The following ARHGEF3 variants were observed in gnomAD, a reference collection of about 807,000 sequenced individuals.
The protein encoded by ARHGEF3 is Rho guanine nucleotide exchange factor 3, also known as 59.8 kDA protein.
A neutral mutation model predicts 63.2 loss-of-function variants in ARHGEF3; 28 were observed. The observed-to-expected ratio is 0.44, with a 90% CI of 0.33 to 0.61. The LOEUF is 0.61. Ranked by LOEUF, ARHGEF3 falls within the 20% of genes least tolerant of loss-of-function variation. ARHGEF3 has a pLI of 0.03. For missense variants in ARHGEF3, 533 were observed against 659.3 expected (o/e 0.81, Z 2.10); for synonymous variants, 266 against 254.2 (o/e 1.05, Z -0.44).
chr3:56,799,261 G>T (rs2037519769), intron 1 of ARHGEF3, among the ~76,000 whole-genome samples: 1 of 152,168 alleles, frequency 6.6e-6, no homozygotes. Flanking sequence ...TACACTTGCT[G>T]CAAGGATAGG....
intron 2 of ARHGEF3, among the ~76,000 whole-genome samples, chr3:56,991,612 G>A (rs760005931): frequency 1.0e-4 from 15 of 145,390 alleles, no homozygotes; most frequent in Non-Finnish European, 1.6e-4. Context: ...ACATTAATCA[G>A]TTTTGTTTTG....
chr3:57,076,249 G>A (rs76383610), intron 1 of ARHGEF3, among the ~76,000 whole-genome samples: 2,417 of 152,154 alleles, frequency 0.016, 27 homozygotes, highest in Admixed American at 0.03. Context: ...GCCTTGAAGG[G>A]TTACTAAACT....
intron 2 of ARHGEF3, among the ~76,000 whole-genome samples, chr3:56,987,194 G>A (rs956958835): frequency 5.3e-5 from 8 of 152,188 alleles, no homozygotes; most frequent in African/African-American, 1.9e-4. Context: ...CCTGGGTGAT[G>A]GAGTGAGACC....
intron 9 of ARHGEF3, among the ~76,000 whole-genome samples, chr3:56,730,703 A>T (rs958841531): frequency 1.9e-4 from 29 of 152,216 alleles, no homozygotes; most frequent in African/African-American, 7.0e-4. Context: ...TAACAACAAT[A>T]TAATGGACAT....
At chr3:57,072,410 A>T (rs1705958624) in intron 1 of ARHGEF3, among the ~76,000 whole-genome samples, 1 of 151,612 alleles carries the variant, frequency 6.6e-6, no homozygotes, top group South Asian at 2.1e-4. Flanking sequence ...GGAAAACATT[A>T]GTTGTTAGCA....
At chr3:56,887,904 A>G (rs1190140514) in intron 3 of ARHGEF3, among the ~76,000 whole-genome samples, 1 of 152,220 alleles carries the variant, frequency 6.6e-6, no homozygotes, top group Non-Finnish European at 1.5e-5. Flanking sequence ...GACTAAAAGA[A>G]AGAATGAATA....
chr3:56,795,010 TACC>T, intron 1 of ARHGEF3, among the ~76,000 whole-genome samples: 1 of 148,338 alleles, frequency 6.7e-6, no homozygotes, highest in Admixed American at 6.9e-5. Context: ...AGGTGTGTGT[TACC>T]ACGCTTGGTG....
At chr3:56,819,956 T>A (rs2038416810) in intron 4 of ARHGEF3, among the ~76,000 whole-genome samples, 1 of 152,062 alleles carries the variant, frequency 6.6e-6, no homozygotes, top group South Asian at 2.1e-4. Context: ...ACTACAGGCG[T>A]GCACCACCAT....
At chr3:56,805,037 G>C (rs1255557378), upstream of ARHGEF3, among the ~76,000 whole-genome samples, 1 of 152,074 alleles carries the variant, frequency 6.6e-6, no homozygotes. Context: ...AAAGCCACTG[G>C]CTTTGACTCC....
At chr3:57,008,360 T>C (rs1648190857) in intron 2 of ARHGEF3, among the ~76,000 whole-genome samples, 1 of 151,974 alleles carries the variant, frequency 6.6e-6, no homozygotes, top group African/African-American at 2.4e-5. Flanking sequence ...GGATGACCCC[T>C]TTACCTGCAA....
chr3:56,850,563 G>C (rs1199619398), intron 4 of ARHGEF3, among the ~76,000 whole-genome samples: 1 of 152,094 alleles, frequency 6.6e-6, no homozygotes, highest in African/African-American at 2.4e-5. Context: ...TTGGTTATTT[G>C]GAACCTGAAA....
intron 2 of ARHGEF3, among the ~76,000 whole-genome samples, chr3:57,003,038 G>A (rs569002557): frequency 4.0e-5 from 6 of 151,610 alleles, no homozygotes; most frequent in Admixed American, 3.9e-4. Flanking sequence ...CCAAAGTGCT[G>A]GGATTACAGG....
At chr3:56,891,926 T>C (rs2041136779) in intron 3 of ARHGEF3, among the ~76,000 whole-genome samples, 1 of 152,196 alleles carries the variant, frequency 6.6e-6, no homozygotes, top group Admixed American at 6.5e-5. Flanking sequence ...GCCCCTATTA[T>C]ATGATCTTAG....
chr3:56,746,559 A>G (rs1336835180), intron 6 of ARHGEF3, among the ~76,000 whole-genome samples: 1 of 151,972 alleles, frequency 6.6e-6, no homozygotes, highest in African/African-American at 2.4e-5. Context: ...GTGAAACCCC[A>G]TCTCTACTAA....
At chr3:56,860,182 A>T (rs1239314850) in intron 4 of ARHGEF3, among the ~76,000 whole-genome samples, 2 of 152,006 alleles carry the variant, frequency 1.3e-5, no homozygotes, top group Admixed American at 6.6e-5. Context: ...TTTATTTTTT[A>T]TTTTTATTTT....
intron 4 of ARHGEF3, among the ~76,000 whole-genome samples, chr3:56,865,739 G>A (rs1197886284): frequency 2.0e-5 from 3 of 152,080 alleles, no homozygotes; most frequent in Non-Finnish European, 4.4e-5. Context: ...ATTGGGAGGT[G>A]GGGCTCTTGG....
intron 2 of ARHGEF3, among the ~76,000 whole-genome samples, chr3:56,971,403 T>C (rs1266224423): frequency 1.3e-5 from 2 of 152,006 alleles, no homozygotes; most frequent in Non-Finnish European, 2.9e-5. Flanking sequence ...ATAAGCACTT[T>C]TGGAACAAAA....
intron 1 of ARHGEF3, among the ~76,000 whole-genome samples, chr3:57,069,153 C>A (rs531030104): frequency 6.6e-6 from 1 of 152,190 alleles, no homozygotes; most frequent in Admixed American, 6.5e-5. Flanking sequence ...GAACTCCTGA[C>A]CTCGTGATCC....
At chr3:57,062,776 A>G (rs986347376) in intron 1 of ARHGEF3, among the ~76,000 whole-genome samples, 18 of 152,152 alleles carry the variant, frequency 1.2e-4, no homozygotes, top group Admixed American at 1.2e-3. Flanking sequence ...GGTAAGAAAA[A>G]TATAGGCAAG....
Sources: gnomAD v4.1 joint callset for allele counts (sites outside exome capture counted in the v4.1 genomes callset) on GRCh38, gnomAD v4.1.1 for gene constraint, MANE v1.5 for transcripts, NCBI Gene and HGNC (gene_info 2026-07-23, HGNC 2026-07-21) for gene names.